Variants in RAI1 observed in about 807,000 individuals in gnomAD.
The protein encoded by RAI1 is retinoic acid induced 1.
Under a neutral mutation model 123.8 loss-of-function variants are expected in RAI1, and 9 were observed. That is an observed-to-expected ratio of 0.07 (90% CI 0.04 to 0.13). The LOEUF (loss-of-function observed/expected upper bound fraction) is 0.13. Ranked by LOEUF, RAI1 falls within the 10% of genes least tolerant of loss-of-function variation. RAI1 has a pLI of 1.00. For synonymous variants in RAI1, 1,231 were observed against 1,127.3 expected (o/e 1.09, Z -1.84); for missense variants, 2,256 against 2,545.8 (o/e 0.89, Z 2.45).
At chr17:17,686,504 C>G (rs940787167) in intron 1 of RAI1, among the ~76,000 whole-genome samples, 1 of 150,356 alleles carries the variant, frequency 6.7e-6, no homozygotes, top group Admixed American at 6.7e-5. Context: ...GGAGGCAGGG[C>G]TTGGAGGTAC....
intron 2 of RAI1, among the ~76,000 whole-genome samples, chr17:17,749,140 C>T (rs1447229662): frequency 1.3e-5 from 2 of 152,240 alleles, no homozygotes; most frequent in African/African-American, 2.4e-5. Context: ...AGCATCTGCC[C>T]GTCAGCAGAG....
intron 2 of RAI1, among the ~76,000 whole-genome samples, chr17:17,782,895 GCTGCGGAGGCCGTACGCCCCGCC>G (rs971660711): frequency 1.3e-5 from 2 of 152,214 alleles, no homozygotes. Flanking sequence ...TGGGGAGGGA[GCTGCGGAGGCCGTACGCCCCGCC>G]CTGCGCGCCC....
At chr17:17,712,998 G>A (rs1453757207) in intron 1 of RAI1, among the ~76,000 whole-genome samples, 1 of 152,026 alleles carries the variant, frequency 6.6e-6, no homozygotes, top group Non-Finnish European at 1.5e-5. Context: ...TGGGGAAATG[G>A]GGGGTGACTG....
intron 2 of RAI1, among the ~76,000 whole-genome samples, chr17:17,763,060 A>AG (rs1370153613): frequency 1.3e-5 from 2 of 151,750 alleles, no homozygotes; most frequent in Admixed American, 1.3e-4. Context: ...GGAAAAAAAA[A>AG]AAAAAAGTTC....
chr17:17,689,263 AATT>A (rs1448018138), intron 1 of RAI1, among the ~76,000 whole-genome samples: 8 of 152,098 alleles, frequency 5.3e-5, no homozygotes, highest in Non-Finnish European at 8.8e-5. Context: ...ACGCCCGGCC[AATT>A]ATTCTTCTTC....
Position 17,800,266 on chromosome 17 carries a change from A to C in RAI1, c.5565+1753A>C, listed in dbSNP as rs113309017. ...TTCCCAGCGCCTTGAAACAGGTTCAAGTCTCTCCCGTCATCAAAAAATAAT... is the reference window on the plus strand; with the variant it reads ...TTCCCAGCGCCTTGAAACAGGTTCACGTCTCTCCCGTCATCAAAAAATAAT... On this transcript the variant is annotated intron_variant, in intron 3 of 5. Transcript: ENST00000353383. The surrounding 1 kb of genome is among the most constrained non-coding windows in gnomAD (Gnocchi z 4.7). Among the ~76,000 whole-genome samples the C allele has an allele frequency of 3.8e-4, 55 of 144,274 alleles. No individual in the cohort carries two copies. In the East Asian group the frequency reaches 4.0e-3, roughly 11 times the overall value. 94.6% of individuals were successfully genotyped at this position (144,274 alleles called of 152,430 possible). A position where few individuals can be genotyped will look rare whatever the true frequency, so the allele number is the denominator to read the frequency against.
Position 17,800,862 on chromosome 17 carries a change from T to C in RAI1, c.5565+2349T>C, listed in dbSNP as rs1299891579. Among the ~76,000 whole-genome samples the C allele has an allele frequency of 6.6e-6, 1 of 152,176 alleles. No homozygotes were observed. Among genetic ancestry groups the C allele is most frequent in the African/African-American group, 2.4e-5 (1 of 41,438 alleles). ...CATGCTCCTTGGAGTGAGACCCTGGTTCAAATCCCAGCTCTGCCGAGGGCT... is the reference window on the plus strand; with the variant it reads ...CATGCTCCTTGGAGTGAGACCCTGGCTCAAATCCCAGCTCTGCCGAGGGCT... On this transcript the variant is annotated intron_variant, in intron 3 of 5. Transcript: ENST00000353383. The surrounding 1 kb of genome is among the most constrained non-coding windows in gnomAD (Gnocchi z 4.7).
intron 1 of RAI1, among the ~76,000 whole-genome samples, chr17:17,695,480 C>T (rs917394427): frequency 6.6e-6 from 1 of 152,126 alleles, no homozygotes; most frequent in African/African-American, 2.4e-5. Context: ...TGCCCTAAGT[C>T]CCTAGTTACT....
intron 1 of RAI1, among the ~76,000 whole-genome samples, chr17:17,693,652 G>A (rs953265131): frequency 1.3e-5 from 2 of 152,382 alleles, no homozygotes; most frequent in South Asian, 2.1e-4. Context: ...AGGCAGCTTG[G>A]AGAGGAAGCC....
At chr17:17,694,695 G>C (rs1050154563) in intron 1 of RAI1, among the ~76,000 whole-genome samples, 2 of 151,304 alleles carry the variant, frequency 1.3e-5, no homozygotes, top group Admixed American at 6.6e-5. Context: ...GGCCGCGGTC[G>C]GGGCCCGCGA....
intron 1 of RAI1, among the ~76,000 whole-genome samples, chr17:17,706,521 G>C (rs1003912057): frequency 3.9e-5 from 6 of 152,242 alleles, no homozygotes; most frequent in African/African-American, 1.4e-4. Flanking sequence ...GGAAAGCCCA[G>C]GGCTGGATGG....
chr17:17,754,363 AG>A (rs552893324), intron 2 of RAI1, among the ~76,000 whole-genome samples: 29 of 151,900 alleles, frequency 1.9e-4, no homozygotes, highest in African/African-American at 6.0e-4. Context: ...CAGCCTCCCG[AG>A]TAGCTGGGAT....
intron 2 of RAI1, chr17:17,777,087 C>A (rs1042380346): frequency 5.9e-5 from 9 of 152,192 alleles, no homozygotes; most frequent in African/African-American, 2.2e-4. Flanking sequence ...TCTCCCTCAT[C>A]CCCCTTGGAT....
At chr17:17,718,720 A>G (rs1190924753) in intron 1 of RAI1, among the ~76,000 whole-genome samples, 1 of 151,980 alleles carries the variant, frequency 6.6e-6, no homozygotes, top group African/African-American at 2.4e-5. Context: ...TAAAAAGGGG[A>G]TATTAAGGCT....
At position 17,798,117 on chromosome 17, in the gene RAI1, G is replaced by A. The variant is rs761910686; in HGVS notation, c.5169G>A (p.Val1723=). The A allele has an allele frequency of 6.2e-7, 1 of 1,613,724 alleles. No individual in the cohort carries two copies. The highest frequency in any genetic ancestry group is 1.3e-5 in the African/African-American group (1 of 74,936). The change falls in exon 3 of 6, where the codon GTG becomes GTA. Residue 1723 remains valine (V), a synonymous_variant. Transcript: ENST00000353383. ...AGAAGCCAAAACTCAAGGAGAAGGT[G>A]CGGCCAGAAGGCACCTGTGAGGAGG... ...PKKKPKLKEK[V]RPEGTCEEAS... is the part of the protein sequence containing the mutation.
chr17:17,773,251 G>C (rs560686029), intron 2 of RAI1, among the ~76,000 whole-genome samples: 120 of 152,310 alleles, frequency 7.9e-4, no homozygotes, highest in Non-Finnish European at 1.3e-3. Context: ...AAAATGGTCA[G>C]CTCAGCTCCT....
At chr17:17,783,741 AC>A (rs1212409782) in intron 2 of RAI1, among the ~76,000 whole-genome samples, 2 of 146,780 alleles carry the variant, frequency 1.4e-5, no homozygotes, top group Non-Finnish European at 3.0e-5. Flanking sequence ...GCGCCCGGTG[AC>A]CCCCCTCCAC....
intron 2 of RAI1, among the ~76,000 whole-genome samples, chr17:17,788,751 C>T (rs184590725): frequency 3.3e-5 from 5 of 152,292 alleles, no homozygotes; most frequent in Non-Finnish European, 5.9e-5. Flanking sequence ...CCTGCCTCCC[C>T]TCAGCCTCCC....
chr17:17,749,455 C>T (rs2030066193), intron 2 of RAI1, among the ~76,000 whole-genome samples: 1 of 152,256 alleles, frequency 6.6e-6, no homozygotes, highest in South Asian at 2.1e-4. Context: ...CATCCAGGAG[C>T]ACTTCGAGTG....
Sources: gnomAD v4.1 joint callset for allele counts (sites outside exome capture counted in the v4.1 genomes callset) on GRCh38, gnomAD v4.1.1 for gene constraint, Gnocchi (gnomAD v3.1) non-coding constraint, MANE v1.5 for transcripts, NCBI Gene and HGNC (gene_info 2026-07-23, HGNC 2026-07-21) for gene names.